The following PHF12 variants were observed in gnomAD, a reference collection of about 807,000 sequenced individuals.
The protein encoded by PHF12 is PHD factor 1.
A neutral mutation model predicts 99.8 loss-of-function variants in PHF12; 6 were observed. The ratio of observed to expected loss-of-function variants is 0.06; its 90% CI spans 0.03 to 0.12. The LOEUF is 0.12. Ranked by LOEUF, PHF12 falls within the 10% of genes least tolerant of loss-of-function variation. The pLI, the probability that PHF12 is intolerant of heterozygous loss-of-function variation, is 1.00. For synonymous variants in PHF12, 480 were observed against 514.9 expected, an observed-to-expected ratio of 0.93 and a Z score of 0.92; for missense variants, 954 against 1,300.1, an observed-to-expected ratio of 0.73 and a Z score of 4.09.
chr17:28,946,590 A>T (rs1436125607), intron 2 of PHF12, among the ~76,000 whole-genome samples: 4 of 152,250 alleles, frequency 2.6e-5, no homozygotes, highest in Non-Finnish European at 4.4e-5. Context: ...AGTGAGGCAG[A>T]CTGGCAAGGA....
rs2152654596 is a variant in PHF12 at position 28,906,876 on chromosome 17, G to C, written c.2660C>G (p.Ala887Gly). Residue 887 changes from alanine (A) to glycine (G), a missense_variant, in exon 14 of 15, where the codon GCC becomes GGC. By Grantham distance (60) the Ala-to-Gly change is moderately conservative. This residue lies in a region of PHF12 where 136 missense variants were observed against 172.3 expected (regional missense o/e 0.79). Coordinates refer to ENST00000332830, the MANE Select transcript of PHF12 (RefSeq NM_001033561.2). This position sits in a 1 kb window ranked among gnomAD's most constrained non-coding sequence, Gnocchi z 4.2. ...TPPTPPSSIV[A>G]KVQSVIRRRR... ...CTTACTGATGACACTCTGCACTTTG[G>C]CAACAATACTGCTTGGGGGGGTTGG... The C allele has an allele frequency of 6.2e-7, 1 of 1,607,578 alleles. No homozygotes were observed. The highest frequency in any genetic ancestry group is 1.1e-5 in the South Asian group (1 of 90,084).
intron 13 of PHF12, chr17:28,907,298 C>G: frequency 3.8e-6 from 2 of 519,512 alleles, no homozygotes; most frequent in Non-Finnish European, 6.9e-6. Flanking sequence ...ACCCACAAGG[C>G]TTGGCTTCCT....
At chr17:28,936,905 T>TC (rs2040520597) in intron 2 of PHF12, among the ~76,000 whole-genome samples, 1 of 152,136 alleles carries the variant, frequency 6.6e-6, no homozygotes, top group Admixed American at 6.5e-5. Flanking sequence ...TAGCCTACTC[T>TC]CCCTCAGACT....
intron 2 of PHF12, among the ~76,000 whole-genome samples, chr17:28,947,474 A>G (rs1259285176): frequency 1.3e-5 from 2 of 152,022 alleles, no homozygotes; most frequent in Non-Finnish European, 2.9e-5. Flanking sequence ...GCTACTTGGG[A>G]GGCTGAGGCA....
chr17:28,906,677 G>T lies in PHF12; in HGVS notation c.2681-160C>A. 2.5e-6 allele frequency: 3 copies of T among 1,183,048 alleles called. No homozygotes were observed. The highest frequency in any genetic ancestry group is 3.5e-6 in the Non-Finnish European group (3 of 850,570). 73.3% of individuals were successfully genotyped at this position (1,183,048 alleles called of 1,614,324 possible). A position where few individuals can be genotyped will look rare whatever the true frequency, so the allele number is the denominator to read the frequency against. On this transcript the variant is annotated intron_variant, in intron 14 of 14. Coordinates refer to ENST00000332830, the MANE Select transcript of PHF12 (RefSeq NM_001033561.2). This position sits in a 1 kb window ranked among gnomAD's most constrained non-coding sequence, Gnocchi z 4.2. ...GTTGGTGGAGTCTGAAGTCCCCACA[G>T]GTGTGTACACACATGGGGGTACTCA...
chr17:28,926,815 T>A, intron 3 of PHF12, 176 bp downstream of exon 3: 1 of 1,532,670 alleles, frequency 6.5e-7, no homozygotes. Flanking sequence ...CATGTTTGGA[T>A]TTTTAGGCCC....
chr17:28,910,087 G>A, intron 11 of PHF12, 139 bp downstream of exon 11: 1 of 1,282,886 alleles, frequency 7.8e-7, no homozygotes, highest in Non-Finnish European at 1.1e-6. Flanking sequence ...AAAAAACCAT[G>A]GTGCTTTATT....
Position 28,950,940 on chromosome 17 carries a change from G to C in PHF12, c.21C>G (p.Thr7=). Residue 7 remains threonine (T), a synonymous_variant, in exon 1 of 15, where the codon ACC becomes ACG. Transcript: ENST00000332830. This position sits in a 1 kb window ranked among gnomAD's most constrained non-coding sequence, Gnocchi z 5.7. The part of the protein sequence containing the change: MWEKME[T]KTIVYDLDTS... Reference sequence around the variant, plus strand: ...TGTCCAAGTCGTACACGATCGTCTTGGTCTCCATTTTCTCCCACATTCATC... The same window carrying C: ...TGTCCAAGTCGTACACGATCGTCTTCGTCTCCATTTTCTCCCACATTCATC... 6.2e-6 allele frequency: 10 copies of C among 1,613,946 alleles called. No individual in the cohort carries two copies. Among genetic ancestry groups the C allele is most frequent in the Non-Finnish European group, 8.5e-6 (10 of 1,179,920 alleles).
chr17:28,910,467 A>T, intron 10 of PHF12, 98 bp from the exon 11 acceptor site: 1 of 1,400,842 alleles, frequency 7.1e-7, no homozygotes, highest in Non-Finnish European at 9.7e-7. Context: ...CATTTCTAAA[A>T]TCCAGCCAAG....
At position 28,908,838 on chromosome 17, in the gene PHF12, G is replaced by A. The variant is rs1216500036; in HGVS notation, c.2403C>T (p.Leu801=). 1.9e-6 allele frequency: 3 copies of A among 1,614,014 alleles called. No homozygotes were observed. Among genetic ancestry groups the A allele is most frequent in the African/African-American group, 2.7e-5 (2 of 74,920 alleles). ...EVQARAVFYP[L]LGLGGAVNMC... ...TGTTCACAGCTCCTCCCAACCCTAA[G>A]AGGGGGTAGAACACAGCTCGGGCCT... Residue 801 remains leucine (L), a synonymous_variant, in exon 12 of 15, where the codon CTC becomes CTT. Coordinates refer to ENST00000332830, the MANE Select transcript of PHF12 (RefSeq NM_001033561.2).
chr17:28,916,125 T>G (rs999055761), intron 7 of PHF12, among the ~76,000 whole-genome samples: 3 of 152,238 alleles, frequency 2.0e-5, no homozygotes, highest in African/African-American at 2.4e-5. Flanking sequence ...CCAGTTAAGT[T>G]TGTTATACAA....
chr17:28,916,855 T>C lies in PHF12; in HGVS notation c.1134+430A>G, dbSNP rs113452667. 3.9e-4 allele frequency among the ~76,000 whole-genome samples: 60 copies of C among 152,366 alleles called. 1 individual carries two copies. Among genetic ancestry groups the C allele is most frequent in the African/African-American group, 1.2e-3 (51 of 41,582 alleles). The stretch of plus-strand genomic sequence containing the variant: ...AATAGATTCAAGTTTCCTTTAGATA[T>C]TTTCCACTTAAGTTCCTGAGCTGGG... On this transcript the variant is annotated intron_variant, in intron 7 of 14. Coordinates refer to ENST00000332830, the MANE Select transcript of PHF12 (RefSeq NM_001033561.2).
chr17:28,941,505 C>A (rs1036061468), intron 2 of PHF12, among the ~76,000 whole-genome samples: 1 of 152,156 alleles, frequency 6.6e-6, no homozygotes, highest in Non-Finnish European at 1.5e-5. Flanking sequence ...GGTGAGTTTG[C>A]TGTAATATAC....
At chr17:28,926,877 G>C in intron 3 of PHF12, 114 bp downstream of exon 3, 3 of 1,579,144 alleles carry the variant, frequency 1.9e-6, no homozygotes, top group Non-Finnish European at 2.6e-6. Flanking sequence ...TCCAGGGCTG[G>C]AAGAGACAAG....
intron 2 of PHF12, among the ~76,000 whole-genome samples, chr17:28,932,820 C>A (rs1275204958): frequency 6.6e-6 from 1 of 152,186 alleles, no homozygotes; most frequent in African/African-American, 2.4e-5. Flanking sequence ...GTGGTGTGCA[C>A]TTGTAGTCCC....
At chr17:28,933,932 A>G (rs1301323020) in intron 2 of PHF12, among the ~76,000 whole-genome samples, 1 of 152,144 alleles carries the variant, frequency 6.6e-6, no homozygotes, top group East Asian at 1.9e-4. Flanking sequence ...CTGTAGTCCC[A>G]GCTACTTGGG....
At chr17:28,940,853 G>A (rs757013696) in intron 2 of PHF12, among the ~76,000 whole-genome samples, 1 of 152,110 alleles carries the variant, frequency 6.6e-6, no homozygotes, top group Non-Finnish European at 1.5e-5. Context: ...TGAATACAAT[G>A]TCCTCCTCTT....
rs770733314 is a variant in PHF12, at chr17:28,950,868, G to T, written c.66+27C>A. 1 of 1,611,672 alleles carries T rather than the reference G, an allele frequency of 6.2e-7. No individual in the cohort carries two copies. The highest frequency in any genetic ancestry group is 1.1e-5 in the South Asian group (1 of 90,920). Reference sequence around the variant, plus strand: ...CGGAGGTTCCCTCCCGGCGCTGGAGGAAGGAGATGAGGAGGGCCACTCTTA... The same window carrying T: ...CGGAGGTTCCCTCCCGGCGCTGGAGTAAGGAGATGAGGAGGGCCACTCTTA... On this transcript the variant is annotated intron_variant, in intron 1 of 14. Transcript: ENST00000332830. This position sits in a 1 kb window ranked among gnomAD's most constrained non-coding sequence, Gnocchi z 5.7.
At chr17:28,937,063 GC>G (rs1222166839) in intron 2 of PHF12, among the ~76,000 whole-genome samples, 39 of 152,148 alleles carry the variant, frequency 2.6e-4, no homozygotes, top group African/African-American at 8.7e-4. Flanking sequence ...CAGAGAACCA[GC>G]CTTTTATAAA....
Sources: allele counts gnomAD v4.1 joint callset (sites outside exome capture counted in the v4.1 genomes callset), GRCh38; gene constraint gnomAD v4.1.1; regional missense constraint gnomAD v4.1.1; non-coding constraint Gnocchi (gnomAD v3.1); transcripts MANE v1.5; gene names NCBI Gene and HGNC (gene_info 2026-07-23, HGNC 2026-07-21).